Variants in TOM1L2 observed in about 807,000 individuals in gnomAD.
TOM1L2 encodes TOM1-like protein 2.
TOM1L2 carries 31 observed loss-of-function variants against 67.9 expected under a neutral mutation model. The ratio of observed to expected loss-of-function variants is 0.46; its 90% CI spans 0.34 to 0.62. TOM1L2 has a LOEUF of 0.62. Ranked by LOEUF, TOM1L2 falls within the 20% of genes least tolerant of loss-of-function variation. The pLI, the probability that TOM1L2 is intolerant of heterozygous loss-of-function variation, is 0.01. For synonymous variants in TOM1L2, 256 were observed against 254.0 expected (o/e 1.01, Z -0.07); for missense variants, 606 against 663.5 (o/e 0.91, Z 0.95).
chr17:17,847,317 A>C lies in TOM1L2; in HGVS notation c.*318T>G, dbSNP rs1598160912. The C allele has an allele frequency of 8.6e-6, 3 of 349,546 alleles. No individual in the cohort carries two copies. In the East Asian group the frequency reaches 1.8e-4, roughly 21 times the overall value. The allele number at this position is 349,546 out of a possible 1,614,324, so 21.7% of individuals were successfully genotyped here. A position where few individuals can be genotyped will look rare whatever the true frequency, so the allele number is the denominator to read the frequency against. On this transcript the variant is annotated 3_prime_UTR_variant, in exon 15 of 15. Transcript: ENST00000379504. ...CTCCATGGGCGGGTGGAGGAAAGAC[A>C]GTCCGGGTGGTCTGCTCAGGAAGCA...
intron 2 of TOM1L2, among the ~76,000 whole-genome samples, chr17:17,899,843 G>A (rs2038758690): frequency 6.6e-6 from 1 of 152,186 alleles, no homozygotes; most frequent in South Asian, 2.1e-4. Context: ...TCTACCAAAT[G>A]AAAAGGCCCC....
chr17:17,928,303 GAGA>G (rs2040180464), intron 1 of TOM1L2, among the ~76,000 whole-genome samples: 1 of 152,210 alleles, frequency 6.6e-6, no homozygotes, highest in South Asian at 2.1e-4. Context: ...CCCAACAAAC[GAGA>G]AGATGGCTAA....
At chr17:17,868,359 C>T (rs1033228437) in intron 8 of TOM1L2, among the ~76,000 whole-genome samples, 5 of 152,218 alleles carry the variant, frequency 3.3e-5, no homozygotes, top group African/African-American at 9.7e-5. Flanking sequence ...CAAAATCACC[C>T]TTTAGGTCCC....
At chr17:17,872,663 CAT>C (rs1459947662) in intron 7 of TOM1L2, among the ~76,000 whole-genome samples, 6 of 152,246 alleles carry the variant, frequency 3.9e-5, no homozygotes, top group African/African-American at 1.2e-4. Context: ...TGCCAACACA[CAT>C]GAGGACCGAG....
At chr17:17,967,270 C>A (rs1358568273) in intron 1 of TOM1L2, among the ~76,000 whole-genome samples, 1 of 152,194 alleles carries the variant, frequency 6.6e-6, no homozygotes, top group Non-Finnish European at 1.5e-5. Context: ...TAAAGCAGAA[C>A]AATGAAGAGA....
At chr17:17,886,033 AT>A (rs1416057925) in intron 4 of TOM1L2, among the ~76,000 whole-genome samples, 1 of 151,782 alleles carries the variant, frequency 6.6e-6, no homozygotes, top group African/African-American at 2.4e-5. Flanking sequence ...ATGCTGTCCC[AT>A]TCACCATACA....
intron 1 of TOM1L2, among the ~76,000 whole-genome samples, chr17:17,950,693 G>C (rs79722366): frequency 0.024 from 3,635 of 152,198 alleles, 122 homozygotes; most frequent in African/African-American, 0.076. Flanking sequence ...TGTTACTTTA[G>C]ATTAATGCCA....
chr17:17,861,602 T>C lies in TOM1L2; in HGVS notation c.1203-51A>G, dbSNP rs758404280. Reference sequence around the variant, plus strand: ...AGAGTTCATTTTCCTCCAGTGGTCATGGAGGGATGGGGTAGTGGCCTGTAA... The same window carrying C: ...AGAGTTCATTTTCCTCCAGTGGTCACGGAGGGATGGGGTAGTGGCCTGTAA... On this transcript the variant is annotated intron_variant, in intron 11 of 14. Coordinates refer to ENST00000379504, the MANE Select transcript of TOM1L2 (RefSeq NM_001082968.2). 5 of 1,536,688 alleles carry C rather than the reference T, an allele frequency of 3.3e-6. No individual in the cohort carries two copies. In the East Asian group the frequency reaches 9.0e-5, roughly 28 times the overall value.
chr17:17,890,420 C>T (rs1307020010), intron 4 of TOM1L2, among the ~76,000 whole-genome samples: 1 of 152,108 alleles, frequency 6.6e-6, no homozygotes, highest in Admixed American at 6.5e-5. Context: ...AATATATTCC[C>T]ATTAAAAAGG....
At chr17:17,907,042 A>G (rs573663196) in intron 2 of TOM1L2, among the ~76,000 whole-genome samples, 1 of 152,294 alleles carries the variant, frequency 6.6e-6, no homozygotes, top group South Asian at 2.1e-4. Context: ...ACCTCCCTCC[A>G]TGGACACGGT....
At chr17:17,922,947 T>C (rs1171532375) in intron 1 of TOM1L2, among the ~76,000 whole-genome samples, 1 of 152,142 alleles carries the variant, frequency 6.6e-6, no homozygotes, top group African/African-American at 2.4e-5. Flanking sequence ...CTGCAATCTG[T>C]TGGCCAGGCA....
At chr17:17,909,901 T>A (rs1235213381) in intron 1 of TOM1L2, among the ~76,000 whole-genome samples, 1 of 152,142 alleles carries the variant, frequency 6.6e-6, no homozygotes, top group Admixed American at 6.5e-5. Context: ...TAGTGGCTTG[T>A]GCCTGTGGTC....
chr17:17,957,692 T>C (rs2041515276), intron 1 of TOM1L2, among the ~76,000 whole-genome samples: 1 of 151,786 alleles, frequency 6.6e-6, no homozygotes, highest in Admixed American at 6.6e-5. Context: ...TATTTACCTG[T>C]GTGCATGTAT....
chr17:17,896,962 C>T (rs146823737), intron 3 of TOM1L2, among the ~76,000 whole-genome samples: 1 of 152,150 alleles, frequency 6.6e-6, no homozygotes, highest in East Asian at 1.9e-4. Context: ...AGTGTAGGGA[C>T]GGCAGCCCTG....
At chr17:17,935,803 C>T (rs1292703003) in intron 1 of TOM1L2, among the ~76,000 whole-genome samples, 1 of 152,218 alleles carries the variant, frequency 6.6e-6, no homozygotes, top group African/African-American at 2.4e-5. Context: ...TAAAAATATT[C>T]AACCTCAGCA....
intron 4 of TOM1L2, among the ~76,000 whole-genome samples, chr17:17,888,301 T>C: frequency 6.6e-6 from 1 of 152,100 alleles, no homozygotes; most frequent in East Asian, 1.9e-4. Context: ...TCAATTCAGA[T>C]CTCCTTCATT....
rs2039151839 is a variant in TOM1L2, at chr17:17,907,501, T to C, written c.83A>G (p.Glu28Gly). ...EKATDGSLQSEDWTLNMEICD... is the reference protein window; with the variant it reads ...EKATDGSLQSGDWTLNMEICD... ...GATCTCCATATTCAACGTCCAATCC[T>C]CACTTTGCAGGGAGCCATCTGTTGC... Residue 28 changes from glutamate (E) to glycine (G), a missense_variant, in exon 2 of 15, where the codon GAG becomes GGG. Around this residue, in one of 2 missense-constraint regions of TOM1L2, gnomAD observed 63 missense variants for 109.5 expected, o/e 0.58. Coordinates refer to ENST00000379504, the MANE Select transcript of TOM1L2 (RefSeq NM_001082968.2). 6.2e-7 allele frequency: 1 copy of C among 1,614,066 alleles called. No individual in the cohort carries two copies.
intron 3 of TOM1L2, among the ~76,000 whole-genome samples, chr17:17,894,927 T>C (rs2038477519): frequency 6.7e-6 from 1 of 148,686 alleles, no homozygotes; most frequent in Non-Finnish European, 1.5e-5. Context: ...CAAAACTCTG[T>C]CTCAAAAACA....
Position 17,897,061 on chromosome 17 carries a change from C to T in TOM1L2, c.216+1535G>A, listed in dbSNP as rs536513446. On this transcript the variant is annotated intron_variant, in intron 3 of 14. Transcript: ENST00000379504. ...GTCAAACAGTGTCCATCATGCCCTG[C>T]TAGAGGAAGGCAAGTAAACGCAGAG... 1.8e-4 allele frequency among the ~76,000 whole-genome samples: 27 copies of T among 152,322 alleles called. No individual in the cohort carries two copies. The South Asian group carries it at 5.2e-3, about 29-fold the overall frequency.
Sources: allele counts gnomAD v4.1 joint callset (sites outside exome capture counted in the v4.1 genomes callset), GRCh38; gene constraint gnomAD v4.1.1; regional missense constraint gnomAD v4.1.1; transcripts MANE v1.5; gene names NCBI Gene and HGNC (gene_info 2026-07-23, HGNC 2026-07-21).